Variants in RYR2 observed in about 807,000 individuals in gnomAD.
RYR2 encodes the protein ryanodine receptor 2.
In RYR2, 227 loss-of-function variants were observed where a neutral mutation model predicts 601.1. That is an observed-to-expected ratio of 0.38 (90% CI 0.34 to 0.42). RYR2 has a LOEUF of 0.42. Among genes scored for constraint, RYR2 ranks in the 10% least tolerant of loss-of-function variants. The probability of loss-of-function intolerance (pLI) is 1.00; values close to 1 mark genes in which losing one functional copy is unlikely to be tolerated. For missense variants in RYR2, 4,646 were observed against 6,156.5 expected (o/e 0.75, Z 8.21); for synonymous variants, 2,223 against 2,175.1 (o/e 1.02, Z -0.61).
Position 237,128,705 on chromosome 1 carries a change from G to A in RYR2, c.48+86136G>A, listed in dbSNP as rs1671811200. Among the ~76,000 whole-genome samples, 3 of 152,288 alleles carry A rather than the reference G, an allele frequency of 2.0e-5. No homozygotes were observed. The South Asian group carries it at 6.2e-4, about 32-fold the overall frequency. On this transcript the variant is annotated intron_variant, in intron 1 of 104. Coordinates refer to ENST00000366574, the MANE Select transcript of RYR2 (RefSeq NM_001035.3). ...CAGAATAGACTGAATGGCAGGGATT[G>A]GGAGGTCGGGATGGGAAGGACCAAA...
chr1:237,785,656 C>A (rs1365708225), intron 90 of RYR2, among the ~76,000 whole-genome samples: 1 of 152,114 alleles, frequency 6.6e-6, no homozygotes, highest in Non-Finnish European at 1.5e-5. Flanking sequence ...AGAGGTAGGA[C>A]TTAAACTGGC....
At chr1:237,741,580 A>G (rs762271417) in intron 79 of RYR2, among the ~76,000 whole-genome samples, 24 of 152,058 alleles carry the variant, frequency 1.6e-4, no homozygotes, top group Non-Finnish European at 2.8e-4. Context: ...TATTAAAAGC[A>G]TGTATTTTTC....
chr1:237,584,960 C>A (rs546862907), intron 29 of RYR2, among the ~76,000 whole-genome samples: 1 of 151,702 alleles, frequency 6.6e-6, no homozygotes, highest in Admixed American at 6.6e-5. Context: ...AGGCTGGTCT[C>A]AAATTCCTGG....
rs12403099 is a variant in RYR2, at chr1:237,405,699, C to T, written c.774-11350C>T. On this transcript the variant is annotated intron_variant, in intron 10 of 104. Coordinates refer to ENST00000366574, the MANE Select transcript of RYR2 (RefSeq NM_001035.3). ...ACAAGAGAAAGAAGGATTTTAGGTC[C>T]TATTGATTTTATTGCTAAATTTTTT... is the stretch of plus-strand genomic sequence containing the variant. 2.9e-3 allele frequency among the ~76,000 whole-genome samples: 441 copies of T among 152,046 alleles called. 14 individuals are homozygous for T. In the East Asian group the frequency reaches 0.037, roughly 13 times the overall value.
intron 1 of RYR2, among the ~76,000 whole-genome samples, chr1:237,224,052 TGTG>T (rs1425554685): frequency 6.6e-6 from 1 of 152,202 alleles, no homozygotes; most frequent in African/African-American, 2.4e-5. Context: ...CAAAGCATCT[TGTG>T]GGACAAGATA....
At chr1:237,115,394 C>T (rs1669954141) in intron 1 of RYR2, among the ~76,000 whole-genome samples, 1 of 152,180 alleles carries the variant, frequency 6.6e-6, no homozygotes, top group African/African-American at 2.4e-5. Context: ...AGAGAGCAGC[C>T]CTCACACAGC....
intron 1 of RYR2, among the ~76,000 whole-genome samples, chr1:237,217,587 A>C (rs1246800262): frequency 6.6e-6 from 1 of 152,200 alleles, no homozygotes; most frequent in African/African-American, 2.4e-5. Flanking sequence ...ATAGGACGGC[A>C]GAGTATCCAA....
chr1:237,751,714 A>G (rs1692548464), intron 80 of RYR2, among the ~76,000 whole-genome samples: 1 of 152,180 alleles, frequency 6.6e-6, no homozygotes, highest in Admixed American at 6.5e-5. Context: ...TAGATTAGTC[A>G]AACTTTGATA....
At chr1:237,186,515 A>G (rs1235383667) in intron 1 of RYR2, among the ~76,000 whole-genome samples, 1 of 152,154 alleles carries the variant, frequency 6.6e-6, no homozygotes, top group Non-Finnish European at 1.5e-5. Context: ...TTATGGTATC[A>G]ATGATCCCTA....
chr1:237,177,544 A>G (rs989412769), intron 1 of RYR2, among the ~76,000 whole-genome samples: 3 of 152,196 alleles, frequency 2.0e-5, no homozygotes, highest in Non-Finnish European at 2.9e-5. Context: ...GATTTCACAT[A>G]CCATGTATGT....
chr1:237,670,250 C>T (rs902109828), intron 58 of RYR2, among the ~76,000 whole-genome samples: 7 of 146,038 alleles, frequency 4.8e-5, no homozygotes, highest in African/African-American at 1.8e-4. Context: ...TACAGTCCAG[C>T]TTCGGCTCGG....
At chr1:237,538,497 C>T (rs1014608637) in intron 25 of RYR2, among the ~76,000 whole-genome samples, 9 of 139,424 alleles carry the variant, frequency 6.5e-5, no homozygotes, top group African/African-American at 2.4e-4. Context: ...TTTGGCCAGG[C>T]CTGGTGGCTC....
Position 237,368,842 on chromosome 1 carries a change from A to T in RYR2, c.310-692A>T, listed in dbSNP as rs139412740. Among the ~76,000 whole-genome samples the T allele has an allele frequency of 7.7e-3, 973 of 125,986 alleles. 6 individuals are homozygous for T. The highest frequency in any genetic ancestry group is 0.012 in the Middle Eastern group (3 of 248). 82.7% of individuals were successfully genotyped at this position (125,986 alleles called of 152,430 possible). Reference sequence around the variant, plus strand: ...TTATTTATTTATTTATTTATTTATTAAGATAGAGTCCTGCTCTGTTGCCCA... The same window carrying T: ...TTATTTATTTATTTATTTATTTATTTAGATAGAGTCCTGCTCTGTTGCCCA... On this transcript the variant is annotated intron_variant, in intron 5 of 104. Coordinates refer to ENST00000366574, the MANE Select transcript of RYR2 (RefSeq NM_001035.3).
chr1:237,471,467 GC>G (rs1371425237), intron 17 of RYR2, among the ~76,000 whole-genome samples: 1 of 152,176 alleles, frequency 6.6e-6, no homozygotes, highest in Non-Finnish European at 1.5e-5. Flanking sequence ...AATGTTTAGG[GC>G]CAAGTGTCCA....
intron 10 of RYR2, among the ~76,000 whole-genome samples, chr1:237,403,614 C>A (rs569729878): frequency 3.2e-4 from 48 of 152,218 alleles, no homozygotes; most frequent in African/African-American, 1.1e-3. Context: ...TTTGTAAAGA[C>A]AGTATCCCAC....
chr1:237,585,235 C>T (rs1178373694), intron 29 of RYR2, among the ~76,000 whole-genome samples: 1 of 152,092 alleles, frequency 6.6e-6, no homozygotes, highest in Non-Finnish European at 1.5e-5. Flanking sequence ...TTGGGATCCA[C>T]CAGACTTGGA....
intron 70 of RYR2, 70 bp from the exon 71 acceptor site, chr1:237,711,675 T>A: frequency 1.3e-6 from 1 of 741,510 alleles, no homozygotes; most frequent in Non-Finnish European, 2.4e-6. Flanking sequence ...ACTTGCAGGT[T>A]CTGTGTAACC....
At chr1:237,424,900 T>C (rs1483497005) in intron 12 of RYR2, among the ~76,000 whole-genome samples, 3 of 152,192 alleles carry the variant, frequency 2.0e-5, no homozygotes, top group African/African-American at 7.2e-5. Flanking sequence ...CCACTTTATT[T>C]CTACAGTAGG....
At chr1:237,383,623 G>C (rs1168209605) in intron 8 of RYR2, among the ~76,000 whole-genome samples, 1 of 151,744 alleles carries the variant, frequency 6.6e-6, no homozygotes, top group Non-Finnish European at 1.5e-5. Flanking sequence ...TAGAGACGGG[G>C]CTTCACCGTG....
Sources: gnomAD v4.1 joint callset for allele counts (sites outside exome capture counted in the v4.1 genomes callset) on GRCh38, gnomAD v4.1.1 for gene constraint, MANE v1.5 for transcripts, NCBI Gene and HGNC (gene_info 2026-07-23, HGNC 2026-07-21) for gene names.